DAPK2: variants seen among roughly 807,000 people sequenced by gnomAD.
DAPK2 encodes death associated protein kinase 2, also known as death-associated protein kinase 2.
Under a neutral mutation model 44.1 loss-of-function variants are expected in DAPK2, and 35 were observed. The observed-to-expected ratio is 0.79, with a 90% CI of 0.61 to 1.05. DAPK2 has a LOEUF of 1.05. DAPK2 is among the 50% of genes least tolerant of loss of function. The probability of loss-of-function intolerance (pLI) is 0.00; values close to 1 mark genes in which losing one functional copy is unlikely to be tolerated. For synonymous variants in DAPK2, 174 were observed against 182.6 expected, an observed-to-expected ratio of 0.95 and a Z score of 0.38; for missense variants, 453 against 483.2, an observed-to-expected ratio of 0.94 and a Z score of 0.59.
chr15:64,020,281 T>A lies in DAPK2; in HGVS notation c.92+19889A>T, dbSNP rs1471120459. On this transcript the variant is annotated intron_variant, in intron 1 of 10. Coordinates refer to ENST00000261891, the Ensembl canonical transcript of DAPK2. The surrounding 1 kb of genome is among the most constrained non-coding windows in gnomAD (Gnocchi z 4.5). Reference sequence around the variant, plus strand: ...CCCTTTCTCTCCCACGCCAGCACACTCTTATTGCACTACCTTGTTGAATGC... The same window carrying A: ...CCCTTTCTCTCCCACGCCAGCACACACTTATTGCACTACCTTGTTGAATGC... 1.3e-5 allele frequency among the ~76,000 whole-genome samples: 2 copies of A among 152,134 alleles called. No individual in the cohort carries two copies. The highest frequency in any genetic ancestry group is 2.9e-5 in the Non-Finnish European group (2 of 68,020).
exon 2 of DAPK2, chr15:63,983,748 C>T (rs770062429): frequency 6.2e-7 from 1 of 1,611,036 alleles, no homozygotes; most frequent in Non-Finnish European, 8.5e-7. Flanking sequence ...CGATGGCAAA[C>T]TGGCCACTGT....
intron 1 of DAPK2, among the ~76,000 whole-genome samples, chr15:64,019,921 C>G (rs1480206067): frequency 1.3e-5 from 2 of 152,216 alleles, no homozygotes; most frequent in Admixed American, 1.3e-4. Flanking sequence ...ACATAGTCAT[C>G]TCTGCTTTCC....
intron 3 of DAPK2, among the ~76,000 whole-genome samples, chr15:63,967,317 G>A (rs575583271): frequency 3.3e-5 from 5 of 152,316 alleles, no homozygotes; most frequent in African/African-American, 9.6e-5. Context: ...TGCAGGGAGG[G>A]TGATCAGTGA....
intron 5 of DAPK2, 69 bp from the exon 7 acceptor site, chr15:63,929,646 A>C: frequency 8.8e-6 from 14 of 1,598,342 alleles, no homozygotes; most frequent in Middle Eastern, 1.7e-4. Flanking sequence ...GGACACCCTC[A>C]TGGATCTAAG....
At chr15:63,924,108 C>A (rs551894276) in intron 8 of DAPK2, among the ~76,000 whole-genome samples, 9 of 152,296 alleles carry the variant, frequency 5.9e-5, no homozygotes, top group African/African-American at 2.2e-4. Flanking sequence ...GCTGGTCAGT[C>A]AGCAGAATTA....
At chr15:64,035,185 CTAAG>C (rs1037185586) in intron 1 of DAPK2, among the ~76,000 whole-genome samples, 2 of 151,706 alleles carry the variant, frequency 1.3e-5, no homozygotes, top group African/African-American at 4.8e-5. Context: ...AAAAAATCAT[CTAAG>C]TAAAGGAAAG....
At chr15:63,971,601 G>A (rs1265638035) in intron 2 of DAPK2, 40 bp from the exon 4 acceptor site, 4 of 1,605,980 alleles carry the variant, frequency 2.5e-6, no homozygotes, top group Middle Eastern at 1.7e-4. Context: ...CCCAGGCCCA[G>A]TCAGCTCTGC....
chr15:64,046,308 T>TGA lies in DAPK2; in HGVS notation c.-19_-18dup. ...ACGGGTGCTACTCACGGCGGGAGGC[T>TGA]GAGCTGCCGCGGTCGCGGCCGCGGC... On this transcript the variant is annotated 5_prime_UTR_variant, in exon 1 of 12. Transcript: ENST00000457488. The surrounding 1 kb of genome is among the most constrained non-coding windows in gnomAD (Gnocchi z 5.3). 1 of 967,436 alleles carries TGA rather than the reference T, an allele frequency of 1.0e-6. No homozygotes were observed. The highest frequency in any genetic ancestry group is 1.2e-6 in the Non-Finnish European group (1 of 819,874). The allele number at this position is 967,436 out of a possible 1,614,324, so 59.9% of individuals were successfully genotyped here.
chr15:63,956,584 A>G (rs1054897298), intron 3 of DAPK2, among the ~76,000 whole-genome samples: 6 of 151,580 alleles, frequency 4.0e-5, no homozygotes, highest in African/African-American at 1.5e-4. Context: ...TATGATTTCA[A>G]TTTAAATTTT....
At chr15:64,033,218 C>A (rs1431038090) in intron 1 of DAPK2, among the ~76,000 whole-genome samples, 1 of 146,934 alleles carries the variant, frequency 6.8e-6, no homozygotes, top group Non-Finnish European at 1.5e-5. Flanking sequence ...CATGACTGAA[C>A]CACTGCACTC....
At chr15:63,915,290 C>T (rs1404797259) in intron 8 of DAPK2, among the ~76,000 whole-genome samples, 2 of 152,186 alleles carry the variant, frequency 1.3e-5, no homozygotes, top group Non-Finnish European at 2.9e-5. Flanking sequence ...TCCTCTCTCC[C>T]TTGCACCTCC....
At chr15:63,914,566 G>A (rs11071773) in intron 8 of DAPK2, among the ~76,000 whole-genome samples, 67,579 of 151,904 alleles carry the variant, frequency 0.44, 17,174 homozygotes, top group East Asian at 0.94. Flanking sequence ...CTGTGCTGAA[G>A]ACCTTGCCTT....
chr15:64,034,519 A>C (rs999241705), intron 1 of DAPK2, among the ~76,000 whole-genome samples: 2 of 152,180 alleles, frequency 1.3e-5, no homozygotes, highest in Non-Finnish European at 2.9e-5. Context: ...GCCTCCTCTA[A>C]GTGGTAGCAA....
Position 63,971,151 on chromosome 15 carries a change from C to T in DAPK2, c.453+272G>A, listed in dbSNP as rs142649891. On this transcript the variant is annotated intron_variant, in intron 3 of 10. Coordinates refer to ENST00000261891, the Ensembl canonical transcript of DAPK2. ...CTGGTCTACTTATTTAGAAAGTGTT[C>T]CCCCCTGCTCCCTGAAATAAATAAG... 2.4e-3 allele frequency among the ~76,000 whole-genome samples: 370 copies of T among 151,352 alleles called. 1 individual carries two copies. The highest frequency in any genetic ancestry group is 4.6e-3 in the Non-Finnish European group (312 of 68,020).
chr15:64,002,916 C>CTGTGTG (rs3056849), intron 1 of DAPK2, among the ~76,000 whole-genome samples: 1,587 of 86,060 alleles, frequency 0.018, 48 homozygotes, highest in South Asian at 0.045. Flanking sequence ...GACTGAGACA[C>CTGTGTG]TGTGTGTGTG....
chr15:63,937,965 A>G (rs1567218339), intron 4 of DAPK2, among the ~76,000 whole-genome samples: 1 of 152,194 alleles, frequency 6.6e-6, no homozygotes, highest in Non-Finnish European at 1.5e-5. Flanking sequence ...GCTCCTTAAC[A>G]TCGCTGTGTC....
chr15:63,964,701 T>C (rs1360286225), intron 3 of DAPK2, among the ~76,000 whole-genome samples: 2 of 152,072 alleles, frequency 1.3e-5, no homozygotes, highest in Non-Finnish European at 2.9e-5. Flanking sequence ...TAATTCTTTC[T>C]TCTGCTTGAT....
At chr15:64,025,452 G>A (rs1015650469) in intron 1 of DAPK2, among the ~76,000 whole-genome samples, 1 of 152,180 alleles carries the variant, frequency 6.6e-6, no homozygotes, top group Non-Finnish European at 1.5e-5. Context: ...GCTTCCCAGG[G>A]CTCTGAGTCC....
intron 4 of DAPK2, chr15:63,935,706 T>C (rs1295222695): frequency 6.6e-6 from 1 of 152,238 alleles, no homozygotes; most frequent in Non-Finnish European, 1.5e-5. Context: ...CAAATAGTGC[T>C]TCTCCTTTTT....
Sources: gnomAD v4.1 joint callset for allele counts (sites outside exome capture counted in the v4.1 genomes callset) on GRCh38, gnomAD v4.1.1 for gene constraint, Gnocchi (gnomAD v3.1) non-coding constraint, MANE v1.5 for transcripts, NCBI Gene and HGNC (gene_info 2026-07-23, HGNC 2026-07-21) for gene names.